The following PDE10A variants were observed in gnomAD, a reference collection of about 807,000 sequenced individuals.
PDE10A encodes the protein phosphodiesterase 10A, also known as cAMP and cAMP-inhibited cGMP 3',5'-cyclic phosphodiesterase 10A.
In PDE10A, 39 loss-of-function variants were observed where a neutral mutation model predicts 97.7. The observed-to-expected ratio is 0.40, with a 90% CI of 0.31 to 0.52. PDE10A has a LOEUF of 0.52. Ranked by LOEUF, PDE10A falls within the 20% of genes least tolerant of loss-of-function variation. The pLI, the probability that PDE10A is intolerant of heterozygous loss-of-function variation, is 0.56. For missense variants in PDE10A, 731 were observed against 1,047.8 expected, an observed-to-expected ratio of 0.70 and a Z score of 4.17; for synonymous variants, 371 against 376.8, an observed-to-expected ratio of 0.98 and a Z score of 0.18.
intron 1 of PDE10A, among the ~76,000 whole-genome samples, chr6:165,679,488 T>G (rs1368274124): frequency 1.3e-5 from 2 of 152,158 alleles, no homozygotes; most frequent in Non-Finnish European, 2.9e-5. Flanking sequence ...TCCCAGCCCT[T>G]GAGGAGGTGT....
chr6:165,642,282 C>A (rs890662323), intron 1 of PDE10A, among the ~76,000 whole-genome samples: 2 of 152,172 alleles, frequency 1.3e-5, no homozygotes, highest in Admixed American at 6.5e-5. Flanking sequence ...AATGTGGCTT[C>A]CCGTGCATAT....
chr6:165,676,101 A>G (rs1476817926), intron 1 of PDE10A, among the ~76,000 whole-genome samples: 1 of 152,216 alleles, frequency 6.6e-6, no homozygotes, highest in Non-Finnish European at 1.5e-5. Context: ...ACTGGAGGCC[A>G]TTATCTTAAC....
intron 1 of PDE10A, among the ~76,000 whole-genome samples, chr6:165,889,114 G>A (rs746664225): frequency 3.3e-5 from 5 of 152,190 alleles, no homozygotes; most frequent in Non-Finnish European, 5.9e-5. Flanking sequence ...TTGTTGGGAA[G>A]CATTGAGCTT....
chr6:165,912,091 A>G (rs1323697549), intron 1 of PDE10A, among the ~76,000 whole-genome samples: 2 of 151,912 alleles, frequency 1.3e-5, no homozygotes, highest in African/African-American at 2.4e-5. Context: ...TCTATCATCT[A>G]TAAATCATCT....
intron 1 of PDE10A, among the ~76,000 whole-genome samples, chr6:165,928,017 A>G (rs1409472426): frequency 6.6e-6 from 1 of 150,750 alleles, no homozygotes; most frequent in African/African-American, 2.4e-5. Flanking sequence ...TAAATTTTTA[A>G]ATTATGTTCT....
At position 165,450,354 on chromosome 6, in the gene PDE10A, A is replaced by T. The variant is rs1323307735; in HGVS notation, c.1032T>A (p.Asp344Glu). ...SAPKEVSRYQDTNMQGVVYEL... is the reference protein window; with the variant it reads ...SAPKEVSRYQETNMQGVVYEL... ...CATATACAACTCCCTGCATATTCGT[A>T]TCTTGGTACTTTGGATTAAAAATAA... The change falls in exon 4 of 22, where the codon GAT (aspartate) becomes GAA (glutamate). Residue 344 changes from aspartate (D) to glutamate (E), a missense_variant. Coordinates refer to ENST00000539869, the MANE Select transcript of PDE10A (RefSeq NM_001385079.1). The T allele has an allele frequency of 3.3e-6, 5 of 1,527,176 alleles. No homozygotes were observed. Among genetic ancestry groups the T allele is most frequent in the African/African-American group, 1.4e-5 (1 of 72,548 alleles). 94.6% of individuals were successfully genotyped at this position (1,527,176 alleles called of 1,614,324 possible).
chr6:165,425,770 C>CATGTGTGTGTGTGTGTGTGT (rs112669910), intron 10 of PDE10A, among the ~76,000 whole-genome samples: 4 of 144,032 alleles, frequency 2.8e-5, no homozygotes, highest in African/African-American at 1.0e-4. Flanking sequence ...AAGGCATGAT[C>CATGTGTGTGTGTGTGTGTGT]GTGTGTGTGT....
In PDE10A at chr6:165,401,775, A is replaced by G. The variant is rs147758329; in HGVS notation, c.2077-5316T>C. Among the ~76,000 whole-genome samples, 54 of 152,322 alleles carry G rather than the reference A, an allele frequency of 3.5e-4. No homozygotes were observed. In the East Asian group the frequency reaches 0.01, roughly 29 times the overall value. On this transcript the variant is annotated intron_variant, in intron 13 of 21. Coordinates refer to ENST00000539869, the MANE Select transcript of PDE10A (RefSeq NM_001385079.1). ...ACAAGACATGACCTTCTAGTGCATG[A>G]ACTTTCTGAAAGCTCCATCCATGTA...
At chr6:165,509,516 G>A (rs931205027) in intron 2 of PDE10A, among the ~76,000 whole-genome samples, 1 of 151,694 alleles carries the variant, frequency 6.6e-6, no homozygotes, top group African/African-American at 2.4e-5. Context: ...CAGGGAGTGT[G>A]ATGCCTCCGG....
At chr6:165,606,695 T>C (rs1787225780) in intron 1 of PDE10A, among the ~76,000 whole-genome samples, 1 of 151,962 alleles carries the variant, frequency 6.6e-6, no homozygotes, top group Admixed American at 6.6e-5. Context: ...GTATAGCAAG[T>C]AGGAGAAAGG....
At chr6:165,482,260 A>G in intron 3 of PDE10A, 55 bp downstream of exon 3, 1 of 1,223,170 alleles carries the variant, frequency 8.2e-7, no homozygotes, top group Non-Finnish European at 1.2e-6. Context: ...AGAGATAAAC[A>G]AAACAGATTC....
chr6:165,455,911 G>T (rs576726874), intron 3 of PDE10A, among the ~76,000 whole-genome samples: 2 of 152,242 alleles, frequency 1.3e-5, no homozygotes, highest in South Asian at 4.1e-4. Context: ...TCTTACCCAA[G>T]TACCTGTTGA....
At chr6:165,383,645 C>T (rs1029625891) in intron 17 of PDE10A, among the ~76,000 whole-genome samples, 13 of 152,094 alleles carry the variant, frequency 8.5e-5, no homozygotes, top group African/African-American at 3.1e-4. Flanking sequence ...TCAACAGCCC[C>T]AGAGGTGGGC....
intron 1 of PDE10A, among the ~76,000 whole-genome samples, chr6:165,856,959 A>G (rs2498536): frequency 0.78 from 118,536 of 152,118 alleles, 46,603 homozygotes; most frequent in East Asian, 0.96. Flanking sequence ...TCACACTCAC[A>G]ATTCAAAATA....
Position 165,604,677 on chromosome 6 carries a change from G to A in PDE10A, c.865+57270C>T, listed in dbSNP as rs182431685. On this transcript the variant is annotated intron_variant, in intron 1 of 21. Transcript: ENST00000539869. ...ACTACTTATCCTTTTACACTAAGGC[G>A]TAAAGCAGATCTCTTAGGTACTTCA... Among the ~76,000 whole-genome samples, 71 of 152,308 alleles carry A rather than the reference G, an allele frequency of 4.7e-4. 1 individual carries two copies. The East Asian group carries it at 0.011, about 24-fold the overall frequency.
chr6:165,654,039 T>C (rs1345400657), intron 1 of PDE10A, among the ~76,000 whole-genome samples: 1 of 152,164 alleles, frequency 6.6e-6, no homozygotes, highest in African/African-American at 2.4e-5. Flanking sequence ...ACCCTCAAGA[T>C]ACCACCCCAA....
At chr6:165,956,235 T>C (rs1259011047) in intron 1 of PDE10A, among the ~76,000 whole-genome samples, 3 of 152,216 alleles carry the variant, frequency 2.0e-5, no homozygotes, top group African/African-American at 7.2e-5. Context: ...GAGAGCAGGG[T>C]ACCCTATTAG....
In PDE10A at chr6:165,655,418, A is replaced by G. The variant is rs1789892523; in HGVS notation, c.865+6529T>C. 6.6e-6 allele frequency among the ~76,000 whole-genome samples: 1 copy of G among 152,016 alleles called. No individual in the cohort carries two copies. Among genetic ancestry groups the G allele is most frequent in the Non-Finnish European group, 1.5e-5 (1 of 68,000 alleles). Reference sequence around the variant, plus strand: ...AGGCTTCCCATCCCAATCCCAGTGAACAGCCCCACCATTTACCCAATCTTT... The same window carrying G: ...AGGCTTCCCATCCCAATCCCAGTGAGCAGCCCCACCATTTACCCAATCTTT... On this transcript the variant is annotated intron_variant, in intron 1 of 21. Transcript: ENST00000539869. This position sits in a 1 kb window ranked among gnomAD's most constrained non-coding sequence, Gnocchi z 4.5.
At chr6:165,422,834 T>C (rs1045751786) in intron 10 of PDE10A, among the ~76,000 whole-genome samples, 1 of 152,056 alleles carries the variant, frequency 6.6e-6, no homozygotes, top group Admixed American at 6.6e-5. Context: ...AAATGATATC[T>C]AAGAAATTAC....
Sources: allele counts gnomAD v4.1 joint callset (sites outside exome capture counted in the v4.1 genomes callset), GRCh38; gene constraint gnomAD v4.1.1; non-coding constraint Gnocchi (gnomAD v3.1); transcripts MANE v1.5; gene names NCBI Gene and HGNC (gene_info 2026-07-23, HGNC 2026-07-21).